The following KCND2 variants were observed in gnomAD, a reference collection of about 807,000 sequenced individuals.
The protein encoded by KCND2 is potassium voltage-gated channel subfamily D member 2.
In KCND2, 16 loss-of-function variants were observed where a neutral mutation model predicts 54.4. The observed-to-expected ratio is 0.29, with a 90% CI of 0.20 to 0.45. The LOEUF (loss-of-function observed/expected upper bound fraction) is 0.45, where lower values mean the gene tolerates loss of function less well. Among genes scored for constraint, KCND2 ranks in the 20% least tolerant of loss-of-function variants. The probability of loss-of-function intolerance (pLI) is 1.00; values close to 1 mark genes in which losing one functional copy is unlikely to be tolerated. For missense variants in KCND2, 486 were observed against 824.2 expected, an observed-to-expected ratio of 0.59 and a Z score of 5.02; for synonymous variants, 317 against 310.7, an observed-to-expected ratio of 1.02 and a Z score of -0.21.
intron 1 of KCND2, among the ~76,000 whole-genome samples, chr7:120,707,979 T>A (rs1792490723): frequency 6.6e-6 from 1 of 151,924 alleles, no homozygotes; most frequent in African/African-American, 2.4e-5. Flanking sequence ...TTAAGCAAGA[T>A]GATACAAGAG....
chr7:120,542,266 C>T lies in KCND2; in HGVS notation c.1116-190637C>T, dbSNP rs1384628847. On this transcript the variant is annotated intron_variant, in intron 1 of 5. Coordinates refer to ENST00000331113, the MANE Select transcript of KCND2 (RefSeq NM_012281.3). ...TACCAAACATTGAGTAATTTGATTG[C>T]ATATTCAAGTGGTCAATAATTTTTA... Among the ~76,000 whole-genome samples the T allele has an allele frequency of 3.3e-5, 5 of 152,054 alleles. No individual in the cohort carries two copies. The East Asian group carries it at 9.6e-4, about 29-fold the overall frequency.
At chr7:120,507,929 A>G (rs1803053005) in intron 1 of KCND2, among the ~76,000 whole-genome samples, 1 of 151,842 alleles carries the variant, frequency 6.6e-6, no homozygotes, top group African/African-American at 2.4e-5. Context: ...TAAATGCCAG[A>G]TATTTGAAAG....
chr7:120,480,591 G>A (rs932094614), intron 1 of KCND2, among the ~76,000 whole-genome samples: 2 of 152,148 alleles, frequency 1.3e-5, no homozygotes, highest in South Asian at 2.1e-4. Context: ...TGTTATTGCA[G>A]GAGAGGGTTC....
chr7:120,449,852 G>A (rs1314483059), intron 1 of KCND2, among the ~76,000 whole-genome samples: 1 of 152,206 alleles, frequency 6.6e-6, no homozygotes, highest in Non-Finnish European at 1.5e-5. Flanking sequence ...GCAGCCTTCT[G>A]TAAATAAAAG....
chr7:120,383,433 T>G, intron 1 of KCND2, among the ~76,000 whole-genome samples: 2 of 152,022 alleles, frequency 1.3e-5, no homozygotes, highest in South Asian at 4.1e-4. Context: ...TTTCTTCTTT[T>G]TCGTTAGAAA....
intron 1 of KCND2, among the ~76,000 whole-genome samples, chr7:120,634,828 G>A (rs1793284055): frequency 1.3e-5 from 2 of 152,132 alleles, no homozygotes; most frequent in African/African-American, 4.8e-5. Context: ...CACCTTGCAG[G>A]GTAGGGGTCT....
intron 1 of KCND2, among the ~76,000 whole-genome samples, chr7:120,419,225 G>T (rs1045958016): frequency 6.6e-6 from 1 of 151,978 alleles, no homozygotes; most frequent in Non-Finnish European, 1.5e-5. Flanking sequence ...TGAAATAAAA[G>T]GTCTACTACT....
At chr7:120,605,388 A>G (rs1792869353) in intron 1 of KCND2, among the ~76,000 whole-genome samples, 1 of 152,228 alleles carries the variant, frequency 6.6e-6, no homozygotes, top group Non-Finnish European at 1.5e-5. Context: ...ATGTTATAAC[A>G]TATATGAGTA....
chr7:120,536,903 A>AT (rs995808684), intron 1 of KCND2, among the ~76,000 whole-genome samples: 34 of 152,086 alleles, frequency 2.2e-4, no homozygotes, highest in African/African-American at 8.2e-4. Flanking sequence ...TTTCTTTTTA[A>AT]TTTTTTTAAA....
intron 1 of KCND2, among the ~76,000 whole-genome samples, chr7:120,731,635 C>CTTTT (rs1202372298): frequency 7.2e-5 from 11 of 152,148 alleles, no homozygotes; most frequent in Non-Finnish European, 1.6e-4. Flanking sequence ...TTTTTAAAAC[C>CTTTT]AAAGTTCTGG....
At chr7:120,531,067 C>T (rs554192380) in intron 1 of KCND2, among the ~76,000 whole-genome samples, 2 of 152,128 alleles carry the variant, frequency 1.3e-5, no homozygotes, top group Non-Finnish European at 2.9e-5. Context: ...TGGAGAAAAC[C>T]AGCAGTTTTA....
intron 1 of KCND2, among the ~76,000 whole-genome samples, chr7:120,668,536 A>C (rs2116569741): frequency 6.6e-6 from 1 of 152,204 alleles, no homozygotes; most frequent in African/African-American, 2.4e-5. Context: ...AATGTTTCTT[A>C]ACATAAAACA....
chr7:120,474,876 A>G (rs1192782685), intron 1 of KCND2, among the ~76,000 whole-genome samples: 2 of 151,786 alleles, frequency 1.3e-5, no homozygotes, highest in African/African-American at 2.4e-5. Context: ...TCTTACCTCA[A>G]AGTTTTCAAT....
At chr7:120,603,090 A>G (rs974165435) in intron 1 of KCND2, among the ~76,000 whole-genome samples, 4 of 152,212 alleles carry the variant, frequency 2.6e-5, no homozygotes, top group African/African-American at 9.6e-5. Context: ...ACGGAATGAA[A>G]AGATCTACCT....
rs985012767 is a variant in KCND2 at position 120,685,164 on chromosome 7, A to C, written c.1116-47739A>C. On this transcript the variant is annotated intron_variant, in intron 1 of 5. Coordinates refer to ENST00000331113, the MANE Select transcript of KCND2 (RefSeq NM_012281.3). Reference sequence around the variant, plus strand: ...CTGGTTTACAGCAAGGCTCAGAAGTAGCAACATAGATGAGTGCTGATAAAG... The same window carrying C: ...CTGGTTTACAGCAAGGCTCAGAAGTCGCAACATAGATGAGTGCTGATAAAG... Among the ~76,000 whole-genome samples, 3 of 152,198 alleles carry C rather than the reference A, an allele frequency of 2.0e-5. No individual in the cohort carries two copies. The East Asian group carries it at 5.8e-4, about 29-fold the overall frequency.
intron 1 of KCND2, among the ~76,000 whole-genome samples, chr7:120,732,623 A>G (rs1792821538): frequency 6.6e-6 from 1 of 152,150 alleles, no homozygotes; most frequent in South Asian, 2.1e-4. Flanking sequence ...ATAAAGGAAA[A>G]ATTGAAGAGC....
chr7:120,440,001 T>C (rs946429057), intron 1 of KCND2, among the ~76,000 whole-genome samples: 1 of 152,106 alleles, frequency 6.6e-6, no homozygotes, highest in East Asian at 1.9e-4. Flanking sequence ...TCATTTCCTT[T>C]GGATAAATAT....
rs113230243 is a variant in KCND2 at position 120,285,496 on chromosome 7, A to G, written c.1115+9749A>G. Among the ~76,000 whole-genome samples, 323 of 152,124 alleles carry G rather than the reference A, an allele frequency of 2.1e-3. 1 individual carries two copies. Among genetic ancestry groups the G allele is most frequent in the Non-Finnish European group, 2.5e-3 (169 of 67,858 alleles). ...ATGCACTAATTTCAAAACATCTCAT[A>G]GACATTCAGAAGAGGATACATCACT... On this transcript the variant is annotated intron_variant, in intron 1 of 5. Transcript: ENST00000331113.
intron 1 of KCND2, among the ~76,000 whole-genome samples, chr7:120,439,004 A>G (rs1355033889): frequency 6.6e-6 from 1 of 152,106 alleles, no homozygotes; most frequent in African/African-American, 2.4e-5. Flanking sequence ...GCTGAATCTT[A>G]GTTTAAGAAG....
Sources: gnomAD v4.1 joint callset for allele counts (sites outside exome capture counted in the v4.1 genomes callset) on GRCh38, gnomAD v4.1.1 for gene constraint, MANE v1.5 for transcripts, NCBI Gene and HGNC (gene_info 2026-07-23, HGNC 2026-07-21) for gene names.